Variants in CTNNA3 observed in about 807,000 individuals in gnomAD.
CTNNA3 encodes the protein catenin alpha 3.
Under a neutral mutation model 95.7 loss-of-function variants are expected in CTNNA3, and 76 were observed. The observed-to-expected ratio is 0.79, with a 90% CI of 0.66 to 0.96. The LOEUF (loss-of-function observed/expected upper bound fraction) is 0.96. Among genes scored for constraint, CTNNA3 ranks in the 40% least tolerant of loss-of-function variants. The pLI, the probability that CTNNA3 is intolerant of heterozygous loss-of-function variation, is 0.00. For synonymous variants in CTNNA3, 431 were observed against 374.4 expected (o/e 1.15, Z -1.74); for missense variants, 1,191 against 1,089.8 (o/e 1.09, Z -1.31).
intron 8 of CTNNA3, among the ~76,000 whole-genome samples, chr10:66,773,628 C>G (rs1374980730): frequency 6.6e-6 from 1 of 152,166 alleles, no homozygotes; most frequent in Admixed American, 6.5e-5. Context: ...CCCAGCCAAC[C>G]CAAGACATCG....
chr10:67,747,064 G>A (rs907829056), intron 1 of CTNNA3, among the ~76,000 whole-genome samples: 15 of 152,176 alleles, frequency 9.9e-5, no homozygotes. Flanking sequence ...CCTCCTCACT[G>A]GGCAGGACCT....
chr10:66,871,243 T>C (rs1022898152), intron 7 of CTNNA3, among the ~76,000 whole-genome samples: 2 of 152,166 alleles, frequency 1.3e-5, no homozygotes, highest in Non-Finnish European at 2.9e-5. Context: ...TTCTCTGATT[T>C]AAGCTATCAC....
chr10:67,218,831 C>T (rs1236006038), intron 6 of CTNNA3, among the ~76,000 whole-genome samples: 1 of 152,202 alleles, frequency 6.6e-6, no homozygotes, highest in African/African-American at 2.4e-5. Flanking sequence ...CATTGTTCTC[C>T]TTCAGTCTAT....
intron 7 of CTNNA3, among the ~76,000 whole-genome samples, chr10:66,970,955 T>C (rs1298966021): frequency 1.3e-5 from 2 of 152,196 alleles, no homozygotes; most frequent in East Asian, 1.9e-4. Flanking sequence ...TATCTATTAA[T>C]TGTGCCAGGA....
chr10:66,621,956 G>A, intron 9 of CTNNA3, among the ~76,000 whole-genome samples, 172 bp from the exon 10 acceptor site: 1 of 152,044 alleles, frequency 6.6e-6, no homozygotes, highest in Non-Finnish European at 1.5e-5. Flanking sequence ...ATCTATTAAA[G>A]CAAATAACAA....
intron 3 of CTNNA3, among the ~76,000 whole-genome samples, chr10:67,561,569 T>C (rs1841509632): frequency 7.3e-6 from 1 of 137,766 alleles, no homozygotes; most frequent in Non-Finnish European, 1.5e-5. Context: ...AACATCACAA[T>C]TAAAAGAACT....
chr10:65,986,835 C>T (rs973594787), intron 16 of CTNNA3, among the ~76,000 whole-genome samples: 11 of 150,886 alleles, frequency 7.3e-5, no homozygotes, highest in Non-Finnish European at 1.2e-4. Flanking sequence ...GTAACTAAAA[C>T]TGCATGGTAC....
chr10:67,250,191 G>A (rs752812251), intron 5 of CTNNA3, among the ~76,000 whole-genome samples: 8 of 151,872 alleles, frequency 5.3e-5, no homozygotes, highest in Non-Finnish European at 1.0e-4. Context: ...GGATTTGTGG[G>A]ATATGAAATC....
intron 7 of CTNNA3, among the ~76,000 whole-genome samples, chr10:67,100,209 A>G (rs988075198): frequency 6.6e-6 from 1 of 151,694 alleles, no homozygotes; most frequent in Non-Finnish European, 1.5e-5. Flanking sequence ...TCTTTCTTAA[A>G]TATTTTAAAT....
At chr10:66,819,896 G>T (rs181528592) in intron 7 of CTNNA3, among the ~76,000 whole-genome samples, 5 of 152,096 alleles carry the variant, frequency 3.3e-5, no homozygotes, top group African/African-American at 4.8e-5. Flanking sequence ...ATGTAAAATT[G>T]TGCAGCCACT....
chr10:66,915,618 T>C (rs1049789869), intron 7 of CTNNA3, among the ~76,000 whole-genome samples: 8 of 151,622 alleles, frequency 5.3e-5, no homozygotes, highest in Non-Finnish European at 1.0e-4. Flanking sequence ...AATTGGATAT[T>C]GGAGCCAAGA....
At chr10:67,599,794 T>C (rs1843028893) in intron 3 of CTNNA3, among the ~76,000 whole-genome samples, 1 of 152,202 alleles carries the variant, frequency 6.6e-6, no homozygotes. Flanking sequence ...TGTTAAAATG[T>C]CAGTTCAGCA....
At chr10:67,744,498 C>T (rs1045240122) in intron 1 of CTNNA3, among the ~76,000 whole-genome samples, 5 of 151,124 alleles carry the variant, frequency 3.3e-5, no homozygotes, top group South Asian at 2.1e-4. Flanking sequence ...ATACAAAAAT[C>T]AATTCAAGAT....
intron 11 of CTNNA3, among the ~76,000 whole-genome samples, chr10:66,461,959 C>G (rs553190498): frequency 6.6e-6 from 1 of 151,342 alleles, no homozygotes; most frequent in Non-Finnish European, 1.5e-5. Flanking sequence ...ATTACAGGTG[C>G]GTGCCACCAC....
chr10:66,932,098 G>C (rs975592098), intron 7 of CTNNA3, among the ~76,000 whole-genome samples: 1 of 152,076 alleles, frequency 6.6e-6, no homozygotes, highest in Non-Finnish European at 1.5e-5. Context: ...TTGCCTCAGC[G>C]CTTTCTCCCT....
intron 9 of CTNNA3, among the ~76,000 whole-genome samples, chr10:66,703,616 A>G (rs1380026492): frequency 1.3e-5 from 2 of 151,588 alleles, no homozygotes. Flanking sequence ...TTTTGTTAAC[A>G]TAATAGTGGA....
chr10:66,785,281 G>A (rs776355253), intron 7 of CTNNA3, among the ~76,000 whole-genome samples: 3 of 152,112 alleles, frequency 2.0e-5, no homozygotes, highest in African/African-American at 2.4e-5. Context: ...AACTTGATTG[G>A]GTTAAAAGAT....
chr10:67,645,147 A>G (rs1358264171), intron 2 of CTNNA3, among the ~76,000 whole-genome samples: 1 of 152,076 alleles, frequency 6.6e-6, no homozygotes, highest in African/African-American at 2.4e-5. Flanking sequence ...ATGTTTATAG[A>G]TGGTTATTAT....
chr10:66,184,044 G>A (rs1416678920), intron 13 of CTNNA3, among the ~76,000 whole-genome samples: 1 of 151,822 alleles, frequency 6.6e-6, no homozygotes, highest in Non-Finnish European at 1.5e-5. Flanking sequence ...TACGGCTCAC[G>A]CCTGTAATCC....
Sources: gnomAD v4.1 joint callset for allele counts (sites outside exome capture counted in the v4.1 genomes callset) on GRCh38, gnomAD v4.1.1 for gene constraint, MANE v1.5 for transcripts, NCBI Gene and HGNC (gene_info 2026-07-23, HGNC 2026-07-21) for gene names.